Variants in CSMD1 observed in about 807,000 individuals in gnomAD.
CSMD1 encodes the protein CUB and sushi domain-containing protein 1.
Under a neutral mutation model 417.5 loss-of-function variants are expected in CSMD1, and 213 were observed. The observed-to-expected ratio is 0.51, with a 90% CI of 0.46 to 0.57. The LOEUF (loss-of-function observed/expected upper bound fraction) is 0.57, where lower values mean the gene tolerates loss of function less well. Ranked by LOEUF, CSMD1 falls within the 20% of genes least tolerant of loss-of-function variation. The pLI, the probability that CSMD1 is intolerant of heterozygous loss-of-function variation, is 0.00. For synonymous variants in CSMD1, 2,862 were observed against 1,736.8 expected, an observed-to-expected ratio of 1.65 and a Z score of -16.11; for missense variants, 6,923 against 4,529.7, an observed-to-expected ratio of 1.53 and a Z score of -15.17.
chr8:4,214,369 C>G (rs1037136383), intron 3 of CSMD1, among the ~76,000 whole-genome samples: 3 of 152,302 alleles, frequency 2.0e-5, no homozygotes, highest in South Asian at 2.1e-4. Flanking sequence ...GCGATCTTGG[C>G]TCACTGCAAC....
chr8:3,497,774 G>T (rs904850970), intron 10 of CSMD1, among the ~76,000 whole-genome samples: 3 of 152,142 alleles, frequency 2.0e-5, no homozygotes, highest in Admixed American at 2.0e-4. Context: ...TGTTCTGGTT[G>T]TTTTGCACAT....
chr8:4,513,716 G>A (rs185059629), intron 2 of CSMD1, among the ~76,000 whole-genome samples: 131 of 152,306 alleles, frequency 8.6e-4, no homozygotes, highest in African/African-American at 3.0e-3. Flanking sequence ...AAAGTCCACA[G>A]ATACACACAC....
chr8:4,824,103 C>A lies in CSMD1; in HGVS notation c.85+170229G>T, dbSNP rs180848817. ...ATATCCACACACACACACACACACA[C>A]ACACACACTCTCCCTCTCACACGTA... On this transcript the variant is annotated intron_variant, in intron 1 of 69. Transcript: ENST00000635120. 3.9e-3 allele frequency among the ~76,000 whole-genome samples: 598 copies of A among 151,814 alleles called. 14 individuals are homozygous for A. The South Asian group carries it at 0.047, about 12-fold the overall frequency.
chr8:4,625,151 C>G (rs1286809098), intron 2 of CSMD1, among the ~76,000 whole-genome samples: 1 of 152,022 alleles, frequency 6.6e-6, no homozygotes, highest in South Asian at 2.1e-4. Flanking sequence ...AGGGAAAATA[C>G]GAGGACGGGA....
chr8:4,330,566 G>C (rs1585245759), intron 3 of CSMD1, among the ~76,000 whole-genome samples: 1 of 148,778 alleles, frequency 6.7e-6, no homozygotes, highest in Admixed American at 6.9e-5. Context: ...CTTCAGCCTG[G>C]GCAACAGAGT....
At chr8:3,378,636 A>G (rs1473318737) in intron 18 of CSMD1, among the ~76,000 whole-genome samples, 1 of 152,202 alleles carries the variant, frequency 6.6e-6, no homozygotes, top group Admixed American at 6.5e-5. Context: ...AAACAGAACC[A>G]ATGACAAAAA....
chr8:3,261,657 G>T (rs997041671), intron 26 of CSMD1, among the ~76,000 whole-genome samples: 1 of 152,110 alleles, frequency 6.6e-6, no homozygotes, highest in Non-Finnish European at 1.5e-5. Context: ...GGAGTTCTCT[G>T]CAGGAATCTA....
intron 21 of CSMD1, among the ~76,000 whole-genome samples, chr8:3,358,668 T>C (rs9773103): frequency 0.49 from 74,186 of 151,928 alleles, 18,356 homozygotes; most frequent in Admixed American, 0.57. Flanking sequence ...AGATGCCTCT[T>C]GTGCCCACTT....
chr8:3,703,663 A>G (rs541791061), intron 7 of CSMD1, among the ~76,000 whole-genome samples: 4 of 152,306 alleles, frequency 2.6e-5, no homozygotes, highest in African/African-American at 9.6e-5. Flanking sequence ...GAAGCAGAGG[A>G]AGAGATGAGC....
chr8:4,565,466 A>G (rs1392392300), intron 2 of CSMD1, among the ~76,000 whole-genome samples: 1 of 152,072 alleles, frequency 6.6e-6, no homozygotes. Context: ...GCCCAGGCAT[A>G]GTGGCTCACA....
At chr8:4,132,801 AAAG>A (rs1382742976) in intron 3 of CSMD1, among the ~76,000 whole-genome samples, 1 of 152,232 alleles carries the variant, frequency 6.6e-6, no homozygotes, top group Admixed American at 6.5e-5. Context: ...GTGTGAATGT[AAAG>A]AAGAATTGAT....
intron 5 of CSMD1, among the ~76,000 whole-genome samples, chr8:3,881,760 A>T (rs776845127): frequency 1.3e-5 from 2 of 152,170 alleles, no homozygotes; most frequent in African/African-American, 4.8e-5. Flanking sequence ...GAAATTAATT[A>T]CTTAAGACTC....
intron 1 of CSMD1, among the ~76,000 whole-genome samples, chr8:4,801,834 G>C (rs1482253389): frequency 6.6e-6 from 1 of 152,144 alleles, no homozygotes; most frequent in Non-Finnish European, 1.5e-5. Flanking sequence ...AATGACAAAG[G>C]ATAGAATTAT....
At chr8:4,591,030 G>A (rs932182363) in intron 2 of CSMD1, among the ~76,000 whole-genome samples, 2 of 152,130 alleles carry the variant, frequency 1.3e-5, no homozygotes, top group African/African-American at 4.8e-5. Context: ...TCAATCAATT[G>A]CATGTTTCTC....
chr8:4,314,921 T>C (rs1388236221), intron 3 of CSMD1, among the ~76,000 whole-genome samples: 3 of 152,094 alleles, frequency 2.0e-5, no homozygotes, highest in Non-Finnish European at 2.9e-5. Flanking sequence ...ACACAGAGAT[T>C]ATACCACAGG....
chr8:3,328,094 C>G (rs937066369), intron 23 of CSMD1, among the ~76,000 whole-genome samples: 1 of 152,176 alleles, frequency 6.6e-6, no homozygotes, highest in African/African-American at 2.4e-5. Context: ...ATGAGGGCAT[C>G]CTGCTGCTGG....
chr8:3,522,426 G>A (rs765645696), intron 10 of CSMD1, among the ~76,000 whole-genome samples: 51 of 152,088 alleles, frequency 3.4e-4, no homozygotes, highest in Non-Finnish European at 6.6e-4. Flanking sequence ...GTATCTACCA[G>A]CAGCTTCGAT....
chr8:4,367,765 A>T (rs1352674620), intron 3 of CSMD1, among the ~76,000 whole-genome samples: 1 of 152,052 alleles, frequency 6.6e-6, no homozygotes, highest in Non-Finnish European at 1.5e-5. Context: ...CTTGCTGTGG[A>T]AATATTTTTC....
intron 5 of CSMD1, among the ~76,000 whole-genome samples, chr8:3,813,560 C>G (rs937015534): frequency 1.1e-4 from 17 of 152,094 alleles, no homozygotes; most frequent in Non-Finnish European, 2.4e-4. Context: ...ACGTAGGAGT[C>G]TATAACACAA....
Sources: gnomAD v4.1 joint callset for allele counts (sites outside exome capture counted in the v4.1 genomes callset) on GRCh38, gnomAD v4.1.1 for gene constraint, MANE v1.5 for transcripts, NCBI Gene and HGNC (gene_info 2026-07-23, HGNC 2026-07-21) for gene names.